Variants in MAGI1 observed in about 807,000 individuals in gnomAD.
MAGI1 encodes membrane-associated guanylate kinase, WW and PDZ domain-containing protein 1.
In MAGI1, 58 loss-of-function variants were observed where a neutral mutation model predicts 139.9. The ratio of observed to expected loss-of-function variants is 0.41; its 90% CI spans 0.34 to 0.52. MAGI1 has a LOEUF of 0.52. Ranked by LOEUF, MAGI1 falls within the 20% of genes least tolerant of loss-of-function variation. The probability of loss-of-function intolerance (pLI) is 0.12; values close to 1 mark genes in which losing one functional copy is unlikely to be tolerated. For synonymous variants in MAGI1, 812 were observed against 737.9 expected (o/e 1.10, Z -1.63); for missense variants, 1,874 against 1,901.6 (o/e 0.99, Z 0.27).
At chr3:65,522,659 G>C (rs1181709277) in intron 2 of MAGI1, among the ~76,000 whole-genome samples, 4 of 152,038 alleles carry the variant, frequency 2.6e-5, no homozygotes, top group African/African-American at 7.2e-5. Context: ...CCTCCTCATC[G>C]TTTCTTCCCC....
intron 2 of MAGI1, among the ~76,000 whole-genome samples, chr3:65,603,375 G>A (rs374243693): frequency 6.6e-6 from 1 of 151,806 alleles, no homozygotes; most frequent in East Asian, 1.9e-4. Context: ...TGGTCAAAGG[G>A]GACAATGAAA....
At position 65,375,731 on chromosome 3, in the gene MAGI1, T is replaced by C. The variant is rs528849032; in HGVS notation, c.3196+14A>G. On this transcript the variant is annotated intron_variant, in intron 18 of 22. Transcript: ENST00000402939. The stretch of plus-strand genomic sequence containing the variant: ...AAAAGAGAGAGAGAGAGAGAGATAA[T>C]AGGTATACTTTACCATCCCCAGGAA... 2 of 1,561,762 alleles carry C rather than the reference T, an allele frequency of 1.3e-6. No individual in the cohort carries two copies. Among genetic ancestry groups the C allele is most frequent in the Admixed American group, 1.7e-5 (1 of 59,692 alleles).
intron 2 of MAGI1, among the ~76,000 whole-genome samples, chr3:65,530,628 T>TGTGTGTGTGG: frequency 2.1e-3 from 2 of 960 alleles, no homozygotes; most frequent in Non-Finnish European, 7.2e-3. Context: ...GTGTGTGGTG[T>TGTGTGTGTGG]GTGTGTGTGT....
intron 1 of MAGI1, among the ~76,000 whole-genome samples, chr3:65,868,923 A>T (rs2059820105): frequency 6.6e-6 from 1 of 152,028 alleles, no homozygotes; most frequent in Non-Finnish European, 1.5e-5. Context: ...CAACCCTCTG[A>T]CCCTGCCCTA....
intron 14 of MAGI1, among the ~76,000 whole-genome samples, chr3:65,389,295 C>A (rs1943705595): frequency 6.6e-6 from 1 of 152,046 alleles, no homozygotes; most frequent in Admixed American, 6.6e-5. Flanking sequence ...TTTGCCGCCA[C>A]CAGGGTAAAA....
intron 1 of MAGI1, among the ~76,000 whole-genome samples, chr3:65,627,409 G>C (rs1249537678): frequency 6.9e-6 from 1 of 143,986 alleles, no homozygotes; most frequent in Non-Finnish European, 1.5e-5. Flanking sequence ...TTTATTCTAA[G>C]ACAATTTTAT....
At chr3:65,724,934 T>A (rs1254215449) in intron 1 of MAGI1, among the ~76,000 whole-genome samples, 1 of 152,056 alleles carries the variant, frequency 6.6e-6, no homozygotes, top group Non-Finnish European at 1.5e-5. Flanking sequence ...ACTCGGGGGT[T>A]ATGGGCACTA....
intron 2 of MAGI1, chr3:65,597,925 T>TGGGGGGGGGGGGGGGGGG: frequency 5.1e-6 from 2 of 394,348 alleles, no homozygotes; most frequent in Non-Finnish European, 5.0e-6. Flanking sequence ...GAGGCGGGGG[T>TGGGGGGGGGGGGGGGGGG]GGGGGGGGGG....
intron 1 of MAGI1, among the ~76,000 whole-genome samples, chr3:66,003,379 T>C (rs75493648): frequency 0.032 from 4,813 of 152,088 alleles, 102 homozygotes; most frequent in African/African-American, 0.064. Flanking sequence ...AGGCAGGACA[T>C]GCACGGTGGC....
chr3:65,908,115 T>G (rs2061509815), intron 1 of MAGI1, among the ~76,000 whole-genome samples: 1 of 152,200 alleles, frequency 6.6e-6, no homozygotes, highest in Admixed American at 6.5e-5. Flanking sequence ...GGAAAAGTTC[T>G]TATAAATGAA....
chr3:65,365,345 A>G (rs1941312789), intron 18 of MAGI1: 16 of 368,478 alleles, frequency 4.3e-5, no homozygotes, highest in Middle Eastern at 4.6e-4. Context: ...GTCTCTACCA[A>G]TGTTTCCTGC....
At chr3:65,844,179 A>C (rs902075202) in intron 1 of MAGI1, 3 of 516,342 alleles carry the variant, frequency 5.8e-6, no homozygotes, top group Non-Finnish European at 7.7e-6. Context: ...ATGTGTAAAA[A>C]TGCAGAGAGT....
At chr3:65,887,389 GA>G (rs11364374) in intron 1 of MAGI1, among the ~76,000 whole-genome samples, 88,081 of 120,926 alleles carry the variant, frequency 0.73, 31,492 homozygotes, top group East Asian at 0.87. Flanking sequence ...ACTGATACCA[GA>G]AAAAAAAAAA....
At chr3:65,634,797 G>A (rs955958437) in intron 1 of MAGI1, among the ~76,000 whole-genome samples, 5 of 152,148 alleles carry the variant, frequency 3.3e-5, no homozygotes, top group South Asian at 4.1e-4. Context: ...CTCAAAGTTC[G>A]ATGATGTTAC....
At chr3:65,691,310 A>AAAAAAAAAG (rs2088633112) in intron 1 of MAGI1, among the ~76,000 whole-genome samples, 1 of 151,384 alleles carries the variant, frequency 6.6e-6, no homozygotes, top group African/African-American at 2.4e-5. Flanking sequence ...CTCAAAAAAA[A>AAAAAAAAAG]AAAAAGAAAA....
At chr3:65,917,098 C>A (rs2061944609) in intron 1 of MAGI1, among the ~76,000 whole-genome samples, 1 of 152,164 alleles carries the variant, frequency 6.6e-6, no homozygotes, top group South Asian at 2.1e-4. Context: ...CCTTCTTACA[C>A]ATAAAGAGAG....
intron 1 of MAGI1, among the ~76,000 whole-genome samples, chr3:65,814,842 G>A (rs968029234): frequency 1.3e-5 from 2 of 152,126 alleles, no homozygotes; most frequent in Non-Finnish European, 2.9e-5. Context: ...ACATAAAATG[G>A]TTCATTTATA....
intron 1 of MAGI1, among the ~76,000 whole-genome samples, chr3:65,973,757 A>G (rs1410625395): frequency 3.3e-5 from 5 of 152,378 alleles, no homozygotes; most frequent in African/African-American, 1.2e-4. Flanking sequence ...TAAATTGCTT[A>G]GCACAGAGTA....
At chr3:65,579,597 G>A (rs1406757989) in intron 2 of MAGI1, among the ~76,000 whole-genome samples, 2 of 152,160 alleles carry the variant, frequency 1.3e-5, no homozygotes, top group Non-Finnish European at 2.9e-5. Context: ...TGTAATCCCA[G>A]CACTTTGGGA....
Sources: gnomAD v4.1 joint callset for allele counts (sites outside exome capture counted in the v4.1 genomes callset) on GRCh38, gnomAD v4.1.1 for gene constraint, MANE v1.5 for transcripts, NCBI Gene and HGNC (gene_info 2026-07-23, HGNC 2026-07-21) for gene names.